The following CCNG1 variants were observed in gnomAD, a reference collection of about 807,000 sequenced individuals.
The protein encoded by CCNG1 is cyclin-G1.
A neutral mutation model predicts 30.0 loss-of-function variants in CCNG1; 13 were observed. The observed-to-expected ratio is 0.43, with a 90% CI of 0.28 to 0.69. CCNG1 has a LOEUF of 0.69. Among genes scored for constraint, CCNG1 ranks in the 30% least tolerant of loss-of-function variants. CCNG1 has a pLI of 0.16. For synonymous variants in CCNG1, 110 were observed against 121.5 expected (o/e 0.91, Z 0.62); for missense variants, 285 against 331.4 (o/e 0.86, Z 1.09).
chr5:163,449,649 ATGC>A (rs749137617), downstream of CCNG1: 6 of 152,246 alleles, frequency 3.9e-5, no homozygotes, highest in Non-Finnish European at 5.9e-5. Context: ...TGAAGGAATC[ATGC>A]TGCCCAGTTT....
intron 2 of CCNG1, 62 bp downstream of exon 2, chr5:163,439,582 C>A: frequency 6.8e-7 from 1 of 1,464,898 alleles, no homozygotes. Flanking sequence ...GAATTGTTAC[C>A]TTTTGGCTGG....
At chr5:163,440,544 C>T (rs1757757159) in intron 2 of CCNG1, among the ~76,000 whole-genome samples, 2 of 152,106 alleles carry the variant, frequency 1.3e-5, no homozygotes, top group Admixed American at 6.5e-5. Context: ...GACTGTGTCT[C>T]ATACGGCAGA....
chr5:163,440,403 AACT>A (rs1429937457), intron 2 of CCNG1, among the ~76,000 whole-genome samples: 2 of 152,220 alleles, frequency 1.3e-5, no homozygotes, highest in Non-Finnish European at 2.9e-5. Flanking sequence ...TAAGAAAAAT[AACT>A]ACATTATGCC....
the CCNG1 span, chr5:163,457,626 A>G: frequency 6.6e-7 from 1 of 1,507,880 alleles, no homozygotes; most frequent in Non-Finnish European, 9.2e-7. Context: ...AAATAAACAT[A>G]TAAGGTGCTA....
downstream of CCNG1, chr5:163,449,771 T>C (rs945388835): frequency 3.3e-5 from 5 of 152,150 alleles, no homozygotes; most frequent in Admixed American, 6.5e-5. Flanking sequence ...TAAATAGCAA[T>C]TGATTTCTGA....
Position 163,442,156 on chromosome 5 carries a change from C to A in CCNG1, c.696+13C>A. 1.3e-6 allele frequency: 2 copies of A among 1,528,658 alleles called. No individual in the cohort carries two copies. Among genetic ancestry groups the A allele is most frequent in the Non-Finnish European group, 1.8e-6 (2 of 1,106,808 alleles). The allele number at this position is 1,528,658 out of a possible 1,614,324, so 94.7% of individuals were successfully genotyped here. A position where few individuals can be genotyped will look rare whatever the true frequency, so the allele number is the denominator to read the frequency against. ...GAAACATTCCAAGGTATGTGAAGGA[C>A]ATAGCCTAAATCCTATTAACAGCTG... On this transcript the variant is annotated intron_variant, in intron 5 of 6. Transcript: ENST00000340828.
At chr5:163,455,924 T>G in the CCNG1 span, among the ~76,000 whole-genome samples, 1 of 152,130 alleles carries the variant, frequency 6.6e-6, no homozygotes, top group Non-Finnish European at 1.5e-5. Flanking sequence ...GAAGGTAGCA[T>G]CAGTAAGATT....
downstream of CCNG1, among the ~76,000 whole-genome samples, chr5:163,445,620 ATTTT>A (rs56065634): frequency 9.3e-6 from 1 of 107,986 alleles, no homozygotes; most frequent in Non-Finnish European, 1.8e-5. Context: ...CACCCAGCTA[ATTTT>A]TTTTTTTTTT....
intron 1 of CCNG1, among the ~76,000 whole-genome samples, chr5:163,438,699 G>C (rs1757623700): frequency 6.6e-6 from 1 of 152,240 alleles, no homozygotes; most frequent in African/African-American, 2.4e-5. Context: ...ACTTGAACAA[G>C]TATTTCTTGA....
chr5:163,439,078 G>T, intron 1 of CCNG1, 179 bp from the exon 2 acceptor site: 6 of 527,902 alleles, frequency 1.1e-5, no homozygotes, highest in African/African-American at 2.0e-5. Context: ...AATTTAGGAT[G>T]TGACCAACTT....
chr5:163,438,020 G>T (rs1186645276), intron 1 of CCNG1, among the ~76,000 whole-genome samples: 3 of 152,216 alleles, frequency 2.0e-5, no homozygotes, highest in Non-Finnish European at 4.4e-5. Flanking sequence ...CCAGGGACTA[G>T]CCTGGGGAGG....
At chr5:163,453,169 A>G in the CCNG1 span, 9 of 152,234 alleles carry the variant, frequency 5.9e-5, no homozygotes, top group Non-Finnish European at 1.2e-4. Flanking sequence ...ATGAGATTTA[A>G]AATTTTTTCA....
At chr5:163,438,165 T>A (rs1251622630) in intron 1 of CCNG1, among the ~76,000 whole-genome samples, 2 of 152,206 alleles carry the variant, frequency 1.3e-5, no homozygotes, top group Non-Finnish European at 2.9e-5. Context: ...CATGGTTGTG[T>A]TATGCACACT....
the CCNG1 span, chr5:163,452,513 G>A: frequency 4.6e-5 from 7 of 152,086 alleles, no homozygotes; most frequent in Non-Finnish European, 1.0e-4. Context: ...TTTTTAACCT[G>A]CTGAATAAAA....
rs1757679220 is a variant in CCNG1, at chr5:163,439,281, G to A, written c.25G>A (p.Asp9Asn). 1 of 1,613,602 alleles carries A rather than the reference G, an allele frequency of 6.2e-7. No homozygotes were observed. MIEVLTTT[D>N]SQKLLHQLNA... ...GATGATAGAGGTACTGACAACAACT[G>A]ACTCTCAGAAACTGCTACACCAGCT... The change falls in exon 2 of 7, where the codon GAC (aspartate) becomes AAC (asparagine). Residue 9 changes from aspartate (D) to asparagine (N), a missense_variant. Physicochemically the swap from Asp to Asn is conservative, Grantham distance 23 (BLOSUM62 1). Coordinates refer to ENST00000340828, the MANE Select transcript of CCNG1 (RefSeq NM_004060.4).
the CCNG1 span, chr5:163,453,902 A>C: frequency 6.1e-6 from 5 of 818,960 alleles, no homozygotes; most frequent in African/African-American, 8.8e-5. Context: ...TCCATTACAT[A>C]ATCTGTTTAT....
chr5:163,449,963 A>C (rs1758137672), downstream of CCNG1: 1 of 152,204 alleles, frequency 6.6e-6, no homozygotes, highest in African/African-American at 2.4e-5. Context: ...TTAGAAGAAA[A>C]AAATCCATAG....
downstream of CCNG1, chr5:163,449,715 G>A (rs1483709382): frequency 2.0e-5 from 3 of 152,104 alleles, no homozygotes; most frequent in East Asian, 3.8e-4. Flanking sequence ...TTTATGAAAG[G>A]ATAAACACAT....
Position 163,443,728 on chromosome 5 carries a change from A to G in CCNG1, c.*58A>G, listed in dbSNP as rs1333527361. 2.6e-6 allele frequency: 4 copies of G among 1,525,594 alleles called. No individual in the cohort carries two copies. Among genetic ancestry groups the G allele is most frequent in the African/African-American group, 1.4e-5 (1 of 72,772 alleles). 94.5% of individuals were successfully genotyped at this position (1,525,594 alleles called of 1,614,324 possible). ...AAGCCTTTCTCCACAACCTTGTTCT[A>G]TGGATTCCATAATGTTACAATGGAT... On this transcript the variant is annotated 3_prime_UTR_variant, in exon 7 of 7. Coordinates refer to ENST00000340828, the MANE Select transcript of CCNG1 (RefSeq NM_004060.4).
Sources: gnomAD v4.1 joint callset for allele counts (sites outside exome capture counted in the v4.1 genomes callset) on GRCh38, gnomAD v4.1.1 for gene constraint, MANE v1.5 for transcripts, NCBI Gene and HGNC (gene_info 2026-07-23, HGNC 2026-07-21) for gene names.